Variants in SMARCE1 observed in about 807,000 individuals in gnomAD.
SMARCE1 encodes the protein SWI/SNF related BAF chromatin remodeling complex subunit E1.
SMARCE1 carries 13 observed loss-of-function variants against 54.9 expected under a neutral mutation model. The ratio of observed to expected loss-of-function variants is 0.24; its 90% CI spans 0.15 to 0.38. The LOEUF is 0.38. Ranked by LOEUF, SMARCE1 falls within the 10% of genes least tolerant of loss-of-function variation. The probability of loss-of-function intolerance (pLI) is 1.00; values close to 1 mark genes in which losing one functional copy is unlikely to be tolerated. For missense variants in SMARCE1, 295 were observed against 523.8 expected (o/e 0.56, Z 4.26); for synonymous variants, 151 against 175.3 (o/e 0.86, Z 1.10).
At chr17:40,632,409 C>A in intron 7 of SMARCE1, 42 bp from the exon 8 acceptor site, 1 of 1,560,900 alleles carries the variant, frequency 6.4e-7, no homozygotes, top group Non-Finnish European at 8.8e-7. Flanking sequence ...TCACCAGTAA[C>A]CATAAAAAGG....
intron 5 of SMARCE1, 171 bp from the exon 6 acceptor site, chr17:40,636,697 T>C (rs2037148668): frequency 1.8e-6 from 1 of 553,040 alleles, no homozygotes; most frequent in Admixed American, 3.2e-5. Flanking sequence ...CAATCTCAAG[T>C]TATCTTTGCC....
intron 7 of SMARCE1, 136 bp from the exon 8 acceptor site, chr17:40,632,503 C>A (rs1007678688): frequency 3.0e-6 from 2 of 663,708 alleles, no homozygotes; most frequent in Non-Finnish European, 2.6e-6. Context: ...GTCATGGGAG[C>A]ACTGGGGCAG....
chr17:40,642,297 GT>G lies in SMARCE1; in HGVS notation c.156+157del, dbSNP rs2037206932. 1.5e-6 allele frequency: 1 copy of G among 689,482 alleles called. No individual in the cohort carries two copies. Among genetic ancestry groups the G allele is most frequent in the Non-Finnish European group, 2.6e-6 (1 of 380,278 alleles). The allele number at this position is 689,482 out of a possible 1,614,324, so 42.7% of individuals were successfully genotyped here. A position where few individuals can be genotyped will look rare whatever the true frequency, so the allele number is the denominator to read the frequency against. Reference sequence around the variant, plus strand: ...CCAGATCTCACTATTTATTTTTTCAGTGTGAGATGCTACAACGAATGTTGAA... The same window carrying G: ...CCAGATCTCACTATTTATTTTTTCAGGTGAGATGCTACAACGAATGTTGAA... On this transcript the variant is annotated intron_variant, in intron 4 of 10. Coordinates refer to ENST00000348513, the MANE Select transcript of SMARCE1 (RefSeq NM_003079.5). The surrounding 1 kb of genome is among the most constrained non-coding windows in gnomAD (Gnocchi z 4.6).
In SMARCE1 at chr17:40,642,774, TTTC is replaced by T. The variant is rs2037211925; in HGVS notation, c.52-218_52-216del. On this transcript the variant is annotated intron_variant, in intron 3 of 10. Transcript: ENST00000348513. This position sits in a 1 kb window ranked among gnomAD's most constrained non-coding sequence, Gnocchi z 4.6. ...GCAGTGTCTTTTGGTTGTTTTTCTC[TTTC>T]TTTTTTGCAGGGGCTGGGGGTGTTT... 5.6e-6 allele frequency: 3 copies of T among 534,076 alleles called. No individual in the cohort carries two copies. Among genetic ancestry groups the T allele is most frequent in the African/African-American group, 1.9e-5 (1 of 51,424 alleles). The allele number at this position is 534,076 out of a possible 1,614,324, so 33.1% of individuals were successfully genotyped here.
intron 3 of SMARCE1, chr17:40,643,472 A>T (rs765582169): frequency 1.7e-4 from 26 of 152,218 alleles, no homozygotes; most frequent in African/African-American, 6.0e-4. Flanking sequence ...TGTAATCACA[A>T]ATGGGCTCTT....
intron 10 of SMARCE1, chr17:40,630,231 A>G: frequency 1.3e-6 from 2 of 1,532,786 alleles, no homozygotes; most frequent in Non-Finnish European, 1.8e-6. Context: ...TTTAATCAGG[A>G]AAATCAGTAT....
intron 9 of SMARCE1, chr17:40,631,225 CA>C (rs1422977036): frequency 3.0e-6 from 1 of 333,704 alleles, no homozygotes; most frequent in Non-Finnish European, 5.4e-6. Flanking sequence ...TTTGGGCTAC[CA>C]ACTAGATTTC....
chr17:40,630,728 A>G lies in SMARCE1; in HGVS notation c.1013T>C (p.Ile338Thr), dbSNP rs776552071. Reference protein sequence around the residue: ...KGEEKKDDENIPMETEETHLE... With the variant: ...KGEEKKDDENTPMETEETHLE... ...TAGTGGGTTACCTGTCTCCATCGGA[A>G]TGTTCTCGTCGTCTTTCTTCTCCTC... The change falls in exon 10 of 11, where the codon ATT becomes ACT. Residue 338 changes from isoleucine to threonine, a missense_variant. Around this residue, in one of 5 missense-constraint regions of SMARCE1, gnomAD observed 147 missense variants for 161.4 expected, o/e 0.91. Coordinates refer to ENST00000348513, the MANE Select transcript of SMARCE1 (RefSeq NM_003079.5). 6.2e-7 allele frequency: 1 copy of G among 1,614,032 alleles called. No homozygotes were observed. The highest frequency in any genetic ancestry group is 1.1e-5 in the South Asian group (1 of 91,068).
chr17:40,631,959 T>C, intron 8 of SMARCE1: 1 of 545,958 alleles, frequency 1.8e-6, no homozygotes, highest in Non-Finnish European at 3.2e-6. Context: ...AATTCTTAAG[T>C]TCACACGTAT....
chr17:40,644,734 T>C (rs2037236827), intron 3 of SMARCE1: 1 of 152,144 alleles, frequency 6.6e-6, no homozygotes, highest in Admixed American at 6.6e-5. Context: ...AGGACCTAAT[T>C]AGTAGTGAAA....
At position 40,632,492 on chromosome 17, in the gene SMARCE1, C is replaced by T. The variant is rs541246577; in HGVS notation, c.542-125G>A. Reference sequence around the variant, plus strand: ...TGGCCTAACAAGTGGACCTGCCCAGCGTCATGGGAGCACTGGGGCAGTTAC... The same window carrying T: ...TGGCCTAACAAGTGGACCTGCCCAGTGTCATGGGAGCACTGGGGCAGTTAC... On this transcript the variant is annotated intron_variant, in intron 7 of 10. Coordinates refer to ENST00000348513, the MANE Select transcript of SMARCE1 (RefSeq NM_003079.5). The T allele has an allele frequency of 1.8e-4, 130 of 736,840 alleles. 2 individuals carry two copies. The South Asian group carries it at 1.9e-3, about 11-fold the overall frequency. 45.6% of individuals were successfully genotyped at this position (736,840 alleles called of 1,614,324 possible). A position where few individuals can be genotyped will look rare whatever the true frequency, so the allele number is the denominator to read the frequency against.
At chr17:40,631,044 A>ATGTGTG in intron 9 of SMARCE1, 120 bp from the exon 10 acceptor site, 1 of 722,302 alleles carries the variant, frequency 1.4e-6, no homozygotes, top group South Asian at 2.0e-5. Context: ...ATACACCTGT[A>ATGTGTG]TGTGTGTGTG....
In SMARCE1 at chr17:40,642,791, C is replaced by A; in HGVS notation, c.52-232G>T. 2.0e-6 allele frequency: 1 copy of A among 503,680 alleles called. No individual in the cohort carries two copies. The highest frequency in any genetic ancestry group is 3.8e-5 in the Admixed American group (1 of 26,350). 31.2% of individuals were successfully genotyped at this position (503,680 alleles called of 1,614,324 possible). ...TTTTTCTCTTTCTTTTTTGCAGGGGCTGGGGGTGTTTGTGTGACTGTGAAT... is the reference window on the plus strand; with the variant it reads ...TTTTTCTCTTTCTTTTTTGCAGGGGATGGGGGTGTTTGTGTGACTGTGAAT... On this transcript the variant is annotated intron_variant, in intron 3 of 10. Coordinates refer to ENST00000348513, the MANE Select transcript of SMARCE1 (RefSeq NM_003079.5). The surrounding 1 kb of genome is among the most constrained non-coding windows in gnomAD (Gnocchi z 4.6).
At chr17:40,647,303 AAAC>A in intron 1 of SMARCE1, 1 of 152,384 alleles carries the variant, frequency 6.6e-6, no homozygotes. Context: ...CGGAAAGTTT[AAAC>A]AACTTGTCTG....
chr17:40,633,868 ATCTG>A (rs2037120402), intron 7 of SMARCE1: 1 of 152,290 alleles, frequency 6.6e-6, no homozygotes, highest in East Asian at 1.9e-4. Flanking sequence ...TCTGTGCTAC[ATCTG>A]TCTAAGTTAT....
At chr17:40,631,381 G>A (rs576586237) in intron 9 of SMARCE1, 20 of 498,908 alleles carry the variant, frequency 4.0e-5, no homozygotes, top group African/African-American at 3.1e-4. Context: ...TAGAAGATAT[G>A]TGTATACTCT....
intron 2 of SMARCE1, 41 bp downstream of exon 2, chr17:40,645,755 C>T: frequency 9.1e-7 from 1 of 1,104,032 alleles, no homozygotes. Flanking sequence ...GCATTAGTCT[C>T]TTATTAACAT....
In SMARCE1 at chr17:40,627,708, C is replaced by A. The variant is rs148525029; in HGVS notation, c.*1077G>T. On this transcript the variant is annotated 3_prime_UTR_variant, in exon 11 of 11. Coordinates refer to ENST00000348513, the MANE Select transcript of SMARCE1 (RefSeq NM_003079.5). ...ATGTAGTGCATTAAAAACACTGAGACCTTTTTTTCATTTTTTTTTTTATTA... is the reference window on the plus strand; with the variant it reads ...ATGTAGTGCATTAAAAACACTGAGAACTTTTTTTCATTTTTTTTTTTATTA... The A allele has an allele frequency of 2.2e-5, 2 of 92,088 alleles. No individual in the cohort carries two copies. The highest frequency in any genetic ancestry group is 1.2e-4 in the African/African-American group (2 of 17,278). The allele number at this position is 92,088 out of a possible 1,614,324, so 5.7% of individuals were successfully genotyped here. A position where few individuals can be genotyped will look rare whatever the true frequency, so the allele number is the denominator to read the frequency against.
chr17:40,640,977 T>C (rs1567848557), intron 4 of SMARCE1: 1 of 152,304 alleles, frequency 6.6e-6, no homozygotes, highest in East Asian at 1.9e-4. Flanking sequence ...TACATCCAAG[T>C]TAAGAGCAAA....
Sources: gnomAD v4.1 joint callset for allele counts on GRCh38, gnomAD v4.1.1 for gene constraint, gnomAD v4.1.1 regional missense constraint, Gnocchi (gnomAD v3.1) non-coding constraint, MANE v1.5 for transcripts, NCBI Gene and HGNC (gene_info 2026-07-23, HGNC 2026-07-21) for gene names.